AKAP7: variants seen among roughly 807,000 people sequenced by gnomAD.
AKAP7 encodes A-kinase anchoring protein 7.
AKAP7 carries 39 observed loss-of-function variants against 39.5 expected under a neutral mutation model. The observed-to-expected ratio is 0.99, with a 90% confidence interval of 0.76 to 1.29. The LOEUF is 1.29. Among genes scored for constraint, AKAP7 ranks in the 50% most tolerant of loss-of-function variants. The pLI, the probability that AKAP7 is intolerant of heterozygous loss-of-function variation, is 0.00. For missense variants in AKAP7, 414 were observed against 407.7 expected, an observed-to-expected ratio of 1.02 and a Z score of -0.13; for synonymous variants, 140 against 139.1, an observed-to-expected ratio of 1.01 and a Z score of -0.05.
At chr6:131,163,781 C>T (rs1803213499) in intron 3 of AKAP7, among the ~76,000 whole-genome samples, 1 of 151,924 alleles carries the variant, frequency 6.6e-6, no homozygotes, top group African/African-American at 2.4e-5. Context: ...AAGAAGAAAA[C>T]ATTTTGATGG....
In AKAP7 at chr6:131,219,289, CAA is replaced by C. The variant is rs755215493; in HGVS notation, c.703-354_703-353del. The stretch of plus-strand genomic sequence containing the variant: ...TGGGTGACAGAGTGACACTCCATTT[CAA>C]AAAAAAAAAAAAAAAAATTATCCAT... On this transcript the variant is annotated intron_variant, in intron 6 of 7. Transcript: ENST00000431975. Among the ~76,000 whole-genome samples the C allele has an allele frequency of 7.2e-4, 52 of 72,550 alleles. 1 individual carries two copies. The highest frequency in any genetic ancestry group is 1.2e-3 in the East Asian group (4 of 3,222). The allele number at this position is 72,550 out of a possible 152,430, so 47.6% of individuals were successfully genotyped here.
At chr6:131,160,037 T>G in intron 2 of AKAP7, 22 bp from the exon 3 acceptor site, 1 of 1,563,652 alleles carries the variant, frequency 6.4e-7, no homozygotes, top group Non-Finnish European at 8.6e-7. Context: ...ATTAGACGTA[T>G]TGTTTGACTT....
At chr6:131,273,344 T>A (rs1017420791) in intron 7 of AKAP7, among the ~76,000 whole-genome samples, 1 of 152,078 alleles carries the variant, frequency 6.6e-6, no homozygotes, top group Non-Finnish European at 1.5e-5. Flanking sequence ...TATGGGTGAG[T>A]TTAAATCTCC....
chr6:131,223,225 A>G (rs1809860656), intron 7 of AKAP7, among the ~76,000 whole-genome samples: 1 of 152,206 alleles, frequency 6.6e-6, no homozygotes, highest in South Asian at 2.1e-4. Context: ...GAACTAACCC[A>G]TAATACCTCT....
intron 5 of AKAP7, among the ~76,000 whole-genome samples, chr6:131,174,102 A>C (rs1804344026): frequency 6.6e-6 from 1 of 152,266 alleles, no homozygotes; most frequent in South Asian, 2.1e-4. Context: ...AGTTTCAACA[A>C]AACATTATAA....
chr6:131,149,527 A>G (rs1405317620), intron 2 of AKAP7, among the ~76,000 whole-genome samples: 1 of 152,132 alleles, frequency 6.6e-6, no homozygotes, highest in Non-Finnish European at 1.5e-5. Context: ...CCCAGCTACT[A>G]GGGAGGCCGA....
intron 7 of AKAP7, among the ~76,000 whole-genome samples, chr6:131,266,493 C>T (rs546962967): frequency 2.5e-4 from 38 of 152,258 alleles, no homozygotes; most frequent in Admixed American, 2.0e-3. Context: ...TTTCAAAGAA[C>T]CTTAATAAAC....
chr6:131,132,554 T>C (rs1456406170), upstream of AKAP7, among the ~76,000 whole-genome samples: 1 of 152,054 alleles, frequency 6.6e-6, no homozygotes, highest in African/African-American at 2.4e-5. Context: ...AACAACTGGA[T>C]TGGAAGGGTT....
At chr6:131,222,563 T>TA (rs929503489) in intron 7 of AKAP7, among the ~76,000 whole-genome samples, 6 of 151,916 alleles carry the variant, frequency 3.9e-5, no homozygotes, top group Non-Finnish European at 7.4e-5. Context: ...GCAAGAGAAC[T>TA]AAAATTAGGA....
intron 3 of AKAP7, among the ~76,000 whole-genome samples, chr6:131,161,686 T>TAAAAAAAAAAAAAAAAAAA (rs1392090781): frequency 2.3e-4 from 18 of 78,932 alleles, no homozygotes; most frequent in Admixed American, 4.1e-4. Flanking sequence ...AAAAAAAAAT[T>TAAAAAAAAAAAAAAAAAAA]AAAGGTCCTA....
intron 7 of AKAP7, among the ~76,000 whole-genome samples, chr6:131,273,606 C>G (rs6915918): frequency 0.035 from 5,392 of 152,246 alleles, 307 homozygotes; most frequent in African/African-American, 0.12. Context: ...TTTCCCCCTC[C>G]CAATCTTTGT....
intron 7 of AKAP7, among the ~76,000 whole-genome samples, chr6:131,261,368 C>T (rs1813321131): frequency 1.3e-5 from 2 of 152,058 alleles, no homozygotes; most frequent in Admixed American, 6.6e-5. Flanking sequence ...TAACAGCTGG[C>T]AGTTGGTACC....
At chr6:131,191,625 T>C (rs1490385080) in intron 5 of AKAP7, among the ~76,000 whole-genome samples, 1 of 152,142 alleles carries the variant, frequency 6.6e-6, no homozygotes, top group Non-Finnish European at 1.5e-5. Flanking sequence ...AAAAGGACCA[T>C]GCAGAATTCA....
intron 5 of AKAP7, chr6:131,184,566 G>A: frequency 1.4e-6 from 1 of 726,800 alleles, no homozygotes; most frequent in East Asian, 2.5e-5. Flanking sequence ...CCATCATCAT[G>A]GGGGTGAAAT....
At chr6:131,145,847 C>T (rs780459081) in intron 2 of AKAP7, among the ~76,000 whole-genome samples, 5 of 152,088 alleles carry the variant, frequency 3.3e-5, no homozygotes, top group Non-Finnish European at 7.3e-5. Context: ...AATGATCGTG[C>T]CGCGCCAAGT....
chr6:131,262,028 G>A (rs1032411200), intron 7 of AKAP7, among the ~76,000 whole-genome samples: 1 of 152,144 alleles, frequency 6.6e-6, no homozygotes, highest in African/African-American at 2.4e-5. Context: ...TCTCCAAGGA[G>A]GTGTCCCAGT....
At chr6:131,232,656 A>G (rs528926043) in intron 7 of AKAP7, among the ~76,000 whole-genome samples, 1 of 152,144 alleles carries the variant, frequency 6.6e-6, no homozygotes, top group East Asian at 1.9e-4. Context: ...AAAAATACGA[A>G]AAGAATTAGC....
At chr6:131,138,294 C>G (rs1800749604) in intron 1 of AKAP7, among the ~76,000 whole-genome samples, 2 of 152,188 alleles carry the variant, frequency 1.3e-5, no homozygotes, top group Non-Finnish European at 2.9e-5. Context: ...ATGACAGGAT[C>G]TTATTCTTTT....
intron 2 of AKAP7, among the ~76,000 whole-genome samples, chr6:131,149,569 A>C (rs1322798810): frequency 6.6e-6 from 1 of 152,238 alleles, no homozygotes; most frequent in Non-Finnish European, 1.5e-5. Flanking sequence ...TGGTAGGCAG[A>C]GGTTGCAGTG....
Sources: allele counts gnomAD v4.1 joint callset (sites outside exome capture counted in the v4.1 genomes callset), GRCh38; gene constraint gnomAD v4.1.1; transcripts MANE v1.5; gene names NCBI Gene and HGNC (gene_info 2026-07-23, HGNC 2026-07-21).